The following HCN2 variants were observed in gnomAD, a reference collection of about 807,000 sequenced individuals.
HCN2 encodes the protein potassium/sodium hyperpolarization-activated cyclic nucleotide-gated channel 2.
Under a neutral mutation model 52.3 loss-of-function variants are expected in HCN2, and 20 were observed. The observed-to-expected ratio is 0.38, with a 90% CI of 0.27 to 0.56. The LOEUF (loss-of-function observed/expected upper bound fraction) is 0.56. Among genes scored for constraint, HCN2 ranks in the 20% least tolerant of loss-of-function variants. The probability of loss-of-function intolerance (pLI) is 0.71; values close to 1 mark genes in which losing one functional copy is unlikely to be tolerated. For synonymous variants in HCN2, 694 were observed against 537.0 expected (o/e 1.29, Z -4.04); for missense variants, 981 against 1,207.7 (o/e 0.81, Z 2.78).
chr19:604,641 A>G (rs114056193), intron 2 of HCN2, among the ~76,000 whole-genome samples: 4,343 of 39,946 alleles, frequency 0.11, 230 homozygotes, highest in African/African-American at 0.25. Context: ...TCAGGCAGCA[A>G]GGGCGGGACT....
intron 3 of HCN2, among the ~76,000 whole-genome samples, chr19:605,968 C>T (rs34321099): frequency 0.11 from 16,456 of 148,418 alleles, 1,078 homozygotes; most frequent in Admixed American, 0.21. Context: ...CACTTGGAAC[C>T]TTTCAGGCCT....
Position 590,739 on chromosome 19 carries a change from A to G in HCN2, c.632+162A>G. ...CGTGTCCGGGACCCGCCCCGGAGTGACCCCGGCGCGCGAGGCTCCGCCTCT... is the reference window on the plus strand; with the variant it reads ...CGTGTCCGGGACCCGCCCCGGAGTGGCCCCGGCGCGCGAGGCTCCGCCTCT... On this transcript the variant is annotated intron_variant, in intron 1 of 7. Transcript: ENST00000251287. The surrounding 1 kb of genome is among the most constrained non-coding windows in gnomAD (Gnocchi z 7.2). 2.4e-6 allele frequency: 1 copy of G among 420,018 alleles called. No homozygotes were observed. Among genetic ancestry groups the G allele is most frequent in the Non-Finnish European group, 3.8e-6 (1 of 265,430 alleles). 26.0% of individuals were successfully genotyped at this position (420,018 alleles called of 1,614,324 possible).
At chr19:614,440 C>T (rs1000144396) in intron 7 of HCN2, among the ~76,000 whole-genome samples, 2 of 152,144 alleles carry the variant, frequency 1.3e-5, no homozygotes, top group African/African-American at 2.4e-5. Context: ...AAATCACACA[C>T]GACTGGGCTG....
At chr19:608,865 G>A (rs148856161) in intron 4 of HCN2, among the ~76,000 whole-genome samples, 6 of 152,310 alleles carry the variant, frequency 3.9e-5, no homozygotes, top group South Asian at 4.1e-4. Flanking sequence ...GCTCAGATGC[G>A]GCCTCTGGCC....
intron 2 of HCN2, among the ~76,000 whole-genome samples, chr19:604,453 C>CGGGTTT (rs1983331348): frequency 8.3e-6 from 1 of 120,398 alleles, no homozygotes; most frequent in Admixed American, 8.8e-5. Flanking sequence ...GGCTATGATG[C>CGGGTTT]TGCTGGGGTG....
chr19:604,996 C>A (rs1469180234), intron 2 of HCN2, 65 bp from the exon 3 acceptor site: 1 of 1,364,750 alleles, frequency 7.3e-7, no homozygotes, highest in African/African-American at 2.4e-5. Flanking sequence ...GCGCACGGGG[C>A]TGGGGCTCTG....
intron 5 of HCN2, among the ~76,000 whole-genome samples, chr19:611,671 G>A: frequency 6.6e-6 from 1 of 152,194 alleles, no homozygotes; most frequent in East Asian, 1.9e-4. Context: ...ATAAAATGCG[G>A]TGGCTTTTAG....
At chr19:594,670 T>A (rs1375456455) in intron 1 of HCN2, among the ~76,000 whole-genome samples, 1 of 151,920 alleles carries the variant, frequency 6.6e-6, no homozygotes, top group Non-Finnish European at 1.5e-5. Context: ...CATTAGGGCG[T>A]GGGAATAAAC....
intron 1 of HCN2, among the ~76,000 whole-genome samples, chr19:602,511 C>T (rs1177485801): frequency 1.1e-4 from 17 of 152,188 alleles, no homozygotes; most frequent in African/African-American, 2.4e-5. Flanking sequence ...TGGAGGCTCC[C>T]GCTTCTCAGT....
At chr19:605,249 G>A (rs372004603) in intron 3 of HCN2, 27 bp downstream of exon 3, 7 of 1,606,348 alleles carry the variant, frequency 4.4e-6, no homozygotes, top group South Asian at 1.1e-5. Flanking sequence ...CTGACGGAGG[G>A]GGAGACGCAG....
intron 5 of HCN2, 53 bp from the exon 6 acceptor site, chr19:613,195 G>T: frequency 6.4e-7 from 1 of 1,554,624 alleles, no homozygotes; most frequent in Non-Finnish European, 8.7e-7. Context: ...GCAGGGCGAG[G>T]GGGAAGCGGG....
rs1600539579 is a variant in HCN2 at position 614,029 on chromosome 19, G to A, written c.1990+13G>A. Reference sequence around the variant, plus strand: ...CTGGACCGCATCGGTGAGCGGGCCGGGGGCGTGGCCGGGGCGGGTGCCCTG... The same window carrying A: ...CTGGACCGCATCGGTGAGCGGGCCGAGGGCGTGGCCGGGGCGGGTGCCCTG... On this transcript the variant is annotated intron_variant, in intron 7 of 7. Transcript: ENST00000251287. 6.4e-7 allele frequency: 1 copy of A among 1,564,970 alleles called. No homozygotes were observed. Among genetic ancestry groups the A allele is most frequent in the East Asian group, 2.3e-5 (1 of 43,536 alleles).
At chr19:615,564 C>T (rs748173910) in intron 7 of HCN2, among the ~76,000 whole-genome samples, 6 of 152,162 alleles carry the variant, frequency 3.9e-5, no homozygotes, top group African/African-American at 9.7e-5. Context: ...GTGCTTCATG[C>T]ATGCTGGCTG....
chr19:590,778 G>A lies in HCN2; in HGVS notation c.632+201G>A, dbSNP rs1391665440. The A allele has an allele frequency of 9.5e-6, 3 of 316,584 alleles. No individual in the cohort carries two copies. Among genetic ancestry groups the A allele is most frequent in the African/African-American group, 4.4e-5 (2 of 45,454 alleles). 19.6% of individuals were successfully genotyped at this position (316,584 alleles called of 1,614,324 possible). On this transcript the variant is annotated intron_variant, in intron 1 of 7. Coordinates refer to ENST00000251287, the MANE Select transcript of HCN2 (RefSeq NM_001194.4). The surrounding 1 kb of genome is among the most constrained non-coding windows in gnomAD (Gnocchi z 7.2). ...GGCTCCGCCTCTGGGGGGGCTCCCC[G>A]GGTGACCGCGGAGCGCCCCCCTCCC...
chr19:594,012 C>CACTTGGGA (rs1444554118), intron 1 of HCN2, among the ~76,000 whole-genome samples: 2 of 152,136 alleles, frequency 1.3e-5, no homozygotes, highest in Non-Finnish European at 2.9e-5. Flanking sequence ...CACACAGGTC[C>CACTTGGGA]ACTTGGGAAA....
intron 5 of HCN2, among the ~76,000 whole-genome samples, chr19:612,706 C>A (rs992692520): frequency 6.6e-6 from 1 of 151,464 alleles, no homozygotes; most frequent in African/African-American, 2.4e-5. Flanking sequence ...TGAGCCACCA[C>A]GCCCGGCCTT....
chr19:604,061 T>C lies in HCN2; in HGVS notation c.1056+94T>C, dbSNP rs1600525849. On this transcript the variant is annotated intron_variant, in intron 2 of 7. Transcript: ENST00000251287. ...GGCAGCAGGGGCGGGGCTATAATGG[T>C]GCATGGGTGGGGCCAAGGCAGCAGG... 5.3e-6 allele frequency: 3 copies of C among 566,032 alleles called. No homozygotes were observed. The East Asian group carries it at 1.7e-4, about 32-fold the overall frequency. 35.1% of individuals were successfully genotyped at this position (566,032 alleles called of 1,614,324 possible).
chr19:599,440 G>A (rs1418643599), intron 1 of HCN2, among the ~76,000 whole-genome samples: 17 of 152,136 alleles, frequency 1.1e-4, no homozygotes, highest in Admixed American at 2.0e-4. Context: ...AGGATGTGGG[G>A]ACCCCGGCCA....
rs1600538313 is a variant in HCN2, at chr19:613,562, G to T, written c.1825+74G>T. The T allele has an allele frequency of 3.5e-6, 2 of 573,954 alleles. 1 individual carries two copies. The highest frequency in any genetic ancestry group is 5.3e-5 in the African/African-American group (2 of 37,398). 35.6% of individuals were successfully genotyped at this position (573,954 alleles called of 1,614,324 possible). ...CGCGGTGTGCAGAGCCAGGGGGCCG[G>T]GGCCGGGGCCGGGGCCGGGGATGGG... is the stretch of plus-strand genomic sequence containing the variant. On this transcript the variant is annotated intron_variant, in intron 6 of 7. Transcript: ENST00000251287.
Sources: allele counts gnomAD v4.1 joint callset (sites outside exome capture counted in the v4.1 genomes callset), GRCh38; gene constraint gnomAD v4.1.1; non-coding constraint Gnocchi (gnomAD v3.1); transcripts MANE v1.5; gene names NCBI Gene and HGNC (gene_info 2026-07-23, HGNC 2026-07-21).